ATOH8: variants seen among roughly 807,000 people sequenced by gnomAD.
ATOH8 encodes atonal bHLH transcription factor 8, also known as transcription factor ATOH8.
A neutral mutation model predicts 21.2 loss-of-function variants in ATOH8; 9 were observed. The ratio of observed to expected loss-of-function variants is 0.42; its 90% CI spans 0.26 to 0.74. ATOH8 has a LOEUF of 0.74. Ranked by LOEUF, ATOH8 falls within the 30% of genes least tolerant of loss-of-function variation. The pLI, the probability that ATOH8 is intolerant of heterozygous loss-of-function variation, is 0.24. For missense variants in ATOH8, 524 were observed against 470.9 expected, an observed-to-expected ratio of 1.11 and a Z score of -1.04; for synonymous variants, 253 against 224.0, an observed-to-expected ratio of 1.13 and a Z score of -1.16.
chr2:85,773,080 C>T (rs564183476), intron 2 of ATOH8: 33 of 354,468 alleles, frequency 9.3e-5, no homozygotes, highest in Non-Finnish European at 1.5e-4. Flanking sequence ...AGAGTCATTC[C>T]GCCGTCACCC....
Position 85,754,505 on chromosome 2 carries a change from G to A in ATOH8, c.316G>A (p.Asp106Asn). 1 of 1,430,686 alleles carries A rather than the reference G, an allele frequency of 7.0e-7. No individual in the cohort carries two copies. The highest frequency in any genetic ancestry group is 2.8e-5 in the East Asian group (1 of 35,602). 88.6% of individuals were successfully genotyped at this position (1,430,686 alleles called of 1,614,324 possible). A position where few individuals can be genotyped will look rare whatever the true frequency, so the allele number is the denominator to read the frequency against. Residue 106 changes from aspartate (D) to asparagine (N), a missense_variant, in exon 1 of 3, where the codon GAC (aspartate) becomes AAC (asparagine). Asp to Asn is a conservative substitution (Grantham distance 23). Coordinates refer to ENST00000306279, the MANE Select transcript of ATOH8 (RefSeq NM_032827.7). Reference protein sequence around the residue: ...RGGSRAPEVSDARKRCFALGA... With the variant: ...RGGSRAPEVSNARKRCFALGA... ...GGGCTCTCGGGCGCCCGAGGTCTCC[G>A]ACGCGCGGAAACGCTGCTTCGCCCT...
intron 1 of ATOH8, among the ~76,000 whole-genome samples, chr2:85,760,069 G>T (rs1679820348): frequency 6.6e-6 from 1 of 152,054 alleles, no homozygotes; most frequent in Admixed American, 6.6e-5. Context: ...AGGCCCTCGG[G>T]CTCCCAGGCC....
chr2:85,780,859 T>C (rs968063432), intron 2 of ATOH8: 4 of 984,542 alleles, frequency 4.1e-6, no homozygotes, highest in Non-Finnish European at 4.8e-6. Context: ...CCCCCGCAAA[T>C]AGCAGCCAAT....
chr2:85,774,710 G>A, intron 2 of ATOH8: 1 of 985,510 alleles, frequency 1.0e-6, no homozygotes, highest in Non-Finnish European at 1.2e-6. Context: ...CAAGGGATGA[G>A]GCCAGACTCA....
chr2:85,779,742 T>C (rs1378114253), intron 2 of ATOH8, among the ~76,000 whole-genome samples: 1 of 152,236 alleles, frequency 6.6e-6, no homozygotes, highest in Admixed American at 6.5e-5. Flanking sequence ...CAGGCCTCCA[T>C]TTCCTCATCT....
chr2:85,757,786 A>ATTTTTTTTTTTTTTTTTTTATT, intron 1 of ATOH8, among the ~76,000 whole-genome samples: 1 of 138,712 alleles, frequency 7.2e-6, no homozygotes, highest in Non-Finnish European at 1.5e-5. Context: ...CTTTCATTTC[A>ATTTTTTTTTTTTTTTTTTTATT]TTTTTTTTTT....
chr2:85,755,194 G>A (rs1679650988), intron 1 of ATOH8, among the ~76,000 whole-genome samples: 1 of 152,234 alleles, frequency 6.6e-6, no homozygotes, highest in South Asian at 2.1e-4. Flanking sequence ...CCGCCTCGGG[G>A]GTAACGCTGT....
intron 1 of ATOH8, among the ~76,000 whole-genome samples, chr2:85,757,520 A>G (rs907371944): frequency 1.7e-4 from 26 of 152,178 alleles, no homozygotes; most frequent in African/African-American, 6.0e-4. Context: ...GGGTTCTGGG[A>G]TTGTGGCTCT....
intron 1 of ATOH8, chr2:85,760,891 G>A (rs1373164011): frequency 6.6e-6 from 1 of 152,264 alleles, no homozygotes; most frequent in Non-Finnish European, 1.5e-5. Context: ...ACTTCCCAAA[G>A]TCACACCGCT....
intron 1 of ATOH8, among the ~76,000 whole-genome samples, chr2:85,755,761 G>C (rs1200872382): frequency 1.3e-5 from 2 of 152,164 alleles, no homozygotes; most frequent in Non-Finnish European, 2.9e-5. Flanking sequence ...CCGTGGTGGG[G>C]CGGGACAATC....
Position 85,754,962 on chromosome 2 carries a change from C to A in ATOH8, c.768+5C>A, listed in dbSNP as rs553861276. ...TTCGAGGCGCTCAGGAAGCAGGTAC[C>A]CGCTCGCCGCCGCACGCCCTCACTG... On this transcript the variant is annotated splice_donor_5th_base_variant and intron_variant, in intron 1 of 2. Transcript: ENST00000306279. The A allele has an allele frequency of 1.3e-6, 2 of 1,581,756 alleles. No homozygotes were observed. The highest frequency in any genetic ancestry group is 1.4e-5 in the African/African-American group (1 of 73,740).
At chr2:85,767,480 C>T (rs1432434866) in intron 2 of ATOH8, among the ~76,000 whole-genome samples, 1 of 151,584 alleles carries the variant, frequency 6.6e-6, no homozygotes, top group East Asian at 2.0e-4. Flanking sequence ...AGTTGTCTAC[C>T]CCCGCTCAAC....
chr2:85,785,135 G>A lies in ATOH8; in HGVS notation c.961-1750G>A, dbSNP rs1378538547. 6.6e-6 allele frequency among the ~76,000 whole-genome samples: 1 copy of A among 152,234 alleles called. No homozygotes were observed. The highest frequency in any genetic ancestry group is 1.5e-5 in the Non-Finnish European group (1 of 68,036). The stretch of plus-strand genomic sequence containing the variant: ...CAGCATGCCCAGGAGGACGGCTCCA[G>A]CCAACCCAGCCTCCCCTTCTTCCTC... On this transcript the variant is annotated intron_variant, in intron 2 of 2. Transcript: ENST00000306279. The surrounding 1 kb of genome is among the most constrained non-coding windows in gnomAD (Gnocchi z 4.1).
chr2:85,773,569 G>A (rs1239086751), intron 2 of ATOH8: 4 of 152,318 alleles, frequency 2.6e-5, no homozygotes, highest in African/African-American at 7.2e-5. Context: ...GGTACTGGGA[G>A]TTTCCCCTTT....
At position 85,784,541 on chromosome 2, in the gene ATOH8, C is replaced by CA. The variant is rs58819874; in HGVS notation, c.961-2333dup. On this transcript the variant is annotated intron_variant, in intron 2 of 2. Transcript: ENST00000306279. The stretch of plus-strand genomic sequence containing the variant: ...TAAATAACAGAGTGAGACCCTGTTT[C>CA]AAAAAAAAAAAGTCAGTTGGGAAAC... Among the ~76,000 whole-genome samples, 220 of 144,438 alleles carry CA rather than the reference C, an allele frequency of 1.5e-3. 2 individuals are homozygous for CA. The highest frequency in any genetic ancestry group is 4.4e-3 in the East Asian group (22 of 4,998). 94.8% of individuals were successfully genotyped at this position (144,438 alleles called of 152,430 possible).
Position 85,790,664 on chromosome 2 carries a change from C to T in ATOH8, c.*3774C>T, listed in dbSNP as rs188045020. On this transcript the variant is annotated 3_prime_UTR_variant, in exon 3 of 3. Coordinates refer to ENST00000306279, the MANE Select transcript of ATOH8 (RefSeq NM_032827.7). ...AGTGGAGGCATGAGTAGGCAGGTCC[C>T]AGGGGCTGGGAACTGGGTAGCATTG... is the stretch of plus-strand genomic sequence containing the variant. Among the ~76,000 whole-genome samples the T allele has an allele frequency of 5.9e-5, 9 of 152,328 alleles. No homozygotes were observed. Among genetic ancestry groups the T allele is most frequent in the African/African-American group, 1.7e-4 (7 of 41,580 alleles).
At chr2:85,780,811 G>A (rs527476219) in intron 2 of ATOH8, among the ~76,000 whole-genome samples, 3 of 152,302 alleles carry the variant, frequency 2.0e-5, no homozygotes, top group South Asian at 2.1e-4. Flanking sequence ...CTCCAAGCCC[G>A]GACACAGCAC....
rs112348097 is a variant in ATOH8 at position 85,760,415 on chromosome 2, A to C, written c.769-3576A>C. The stretch of plus-strand genomic sequence containing the variant: ...GATACTCTAAGAGGGATCTCATGGC[A>C]TCATCAGCCCAGAACTCTCCATCCC... On this transcript the variant is annotated intron_variant, in intron 1 of 2. Transcript: ENST00000306279. Among the ~76,000 whole-genome samples the C allele has an allele frequency of 5.9e-3, 893 of 152,208 alleles. 11 individuals carry two copies. Among genetic ancestry groups the C allele is most frequent in the African/African-American group, 0.02 (841 of 41,524 alleles).
chr2:85,781,475 G>T (rs1202510186), intron 2 of ATOH8, among the ~76,000 whole-genome samples: 1 of 152,130 alleles, frequency 6.6e-6, no homozygotes, highest in Non-Finnish European at 1.5e-5. Flanking sequence ...GCTGAGACTG[G>T]AGAATCATTT....
Sources: allele counts gnomAD v4.1 joint callset (sites outside exome capture counted in the v4.1 genomes callset), GRCh38; gene constraint gnomAD v4.1.1; non-coding constraint Gnocchi (gnomAD v3.1); transcripts MANE v1.5; gene names NCBI Gene and HGNC (gene_info 2026-07-23, HGNC 2026-07-21).